The following METTL22 variants were observed in gnomAD, a reference collection of about 807,000 sequenced individuals.
METTL22 encodes methyltransferase 22, Kin17 lysine, also known as methyltransferase-like protein 22.
METTL22 carries 51 observed loss-of-function variants against 48.4 expected under a neutral mutation model. That is an observed-to-expected ratio of 1.05 (90% CI 0.84 to 1.33). The LOEUF is 1.33. Among genes scored for constraint, METTL22 ranks in the 40% most tolerant of loss-of-function variants. The probability of loss-of-function intolerance (pLI) is 0.00; values close to 1 mark genes in which losing one functional copy is unlikely to be tolerated. For synonymous variants in METTL22, 255 were observed against 214.1 expected, an observed-to-expected ratio of 1.19 and a Z score of -1.67; for missense variants, 678 against 526.9, an observed-to-expected ratio of 1.29 and a Z score of -2.81.
At chr16:8,639,539 C>T (rs1240707329) in intron 6 of METTL22, 2 of 252,784 alleles carry the variant, frequency 7.9e-6, no homozygotes, top group South Asian at 1.1e-4. Context: ...CTCCCAGGGG[C>T]GTCATCACCT....
downstream of METTL22, among the ~76,000 whole-genome samples, chr16:8,653,025 C>T (rs186824370): frequency 1.2e-4 from 18 of 152,320 alleles, no homozygotes; most frequent in Admixed American, 5.9e-4. Flanking sequence ...CCAGTTCAAA[C>T]CCACTTCTGC....
At chr16:8,639,461 T>A (rs563317345) in intron 6 of METTL22, 1 of 438,042 alleles carries the variant, frequency 2.3e-6, no homozygotes, top group East Asian at 4.0e-5. Flanking sequence ...GTCCAAGATG[T>A]CCTCATGAAA....
intron 3 of METTL22, among the ~76,000 whole-genome samples, chr16:8,633,991 G>A (rs901104897): frequency 3.9e-5 from 6 of 152,242 alleles, no homozygotes; most frequent in African/African-American, 1.4e-4. Flanking sequence ...GTGTATTTCT[G>A]TTCCAGTTTC....
At chr16:8,655,683 C>T in the METTL22 span, among the ~76,000 whole-genome samples, 2 of 152,222 alleles carry the variant, frequency 1.3e-5, no homozygotes, top group Non-Finnish European at 2.9e-5. Context: ...CATCCTTGCC[C>T]TGAAGAGGCA....
intron 6 of METTL22, among the ~76,000 whole-genome samples, chr16:8,639,884 G>GCCC (rs879830265): frequency 6.6e-6 from 1 of 151,062 alleles, no homozygotes; most frequent in African/African-American, 2.4e-5. Flanking sequence ...TGTCTGCAGC[G>GCCC]CCCCCCACCA....
downstream of METTL22, among the ~76,000 whole-genome samples, chr16:8,653,762 TA>T (rs60644102): frequency 0.98 from 148,844 of 152,246 alleles, 72,861 homozygotes; most frequent in East Asian, 1. Context: ...CTCAGTTAGT[TA>T]AACCTGCTTC....
downstream of METTL22, among the ~76,000 whole-genome samples, chr16:8,649,914 C>G (rs1567253257): frequency 1.3e-5 from 2 of 152,204 alleles, no homozygotes; most frequent in Admixed American, 6.5e-5. Context: ...GATTCTGACT[C>G]AGGCCCTGGA....
the METTL22 span, among the ~76,000 whole-genome samples, chr16:8,657,400 T>G: frequency 6.6e-6 from 1 of 152,350 alleles, no homozygotes; most frequent in South Asian, 2.1e-4. Flanking sequence ...GAAGCAGGAA[T>G]AGCAAATGTC....
chr16:8,642,084 A>G, intron 7 of METTL22, 43 bp from the exon 8 acceptor site: 1 of 1,480,258 alleles, frequency 6.8e-7, no homozygotes, highest in Non-Finnish European at 9.5e-7. Flanking sequence ...GGTGGCCAGG[A>G]GAGAAGGCAA....
chr16:8,626,489 C>A (rs1326055457), intron 2 of METTL22, among the ~76,000 whole-genome samples: 2 of 149,608 alleles, frequency 1.3e-5, no homozygotes, highest in Non-Finnish European at 3.0e-5. Flanking sequence ...CGCTCTGTCA[C>A]CCAGGGGGCA....
intron 3 of METTL22, among the ~76,000 whole-genome samples, chr16:8,632,329 G>T (rs1221213216): frequency 6.6e-6 from 1 of 152,160 alleles, no homozygotes; most frequent in East Asian, 1.9e-4. Context: ...TTCTTGGTCA[G>T]ACTCCCAAAT....
intron 5 of METTL22, among the ~76,000 whole-genome samples, chr16:8,636,597 TCTC>T (rs1298215313): frequency 1.3e-5 from 2 of 151,264 alleles, no homozygotes; most frequent in African/African-American, 2.4e-5. Flanking sequence ...TTGTAACCCT[TCTC>T]CTATTGCTGA....
chr16:8,629,249 G>A, intron 3 of METTL22, 139 bp downstream of exon 3: 2 of 1,140,712 alleles, frequency 1.8e-6, no homozygotes, highest in Non-Finnish European at 2.5e-6. Flanking sequence ...GTGAGACTGG[G>A]GAAGCTCTCC....
chr16:8,622,629 C>T (rs1314637314), intron 1 of METTL22, among the ~76,000 whole-genome samples: 4 of 152,294 alleles, frequency 2.6e-5, no homozygotes, highest in East Asian at 1.9e-4. Context: ...TCACTTTAAT[C>T]ATTATTATAT....
In METTL22 at chr16:8,635,305, T is replaced by TGCCA; in HGVS notation, c.693_694insGCCA (p.Cys232AlafsTer32). 4 of 1,572,726 alleles carry TGCCA rather than the reference T, an allele frequency of 2.5e-6. No individual in the cohort carries two copies. The highest frequency in any genetic ancestry group is 3.4e-6 in the Non-Finnish European group (4 of 1,160,582). ...CAGCCACCATGGCACGGACCGTTTATTGTACAGGTAATGAGGTGACATCTC... is the reference window on the plus strand; with the variant it reads ...CAGCCACCATGGCACGGACCGTTTATGCCATGTACAGGTAATGAGGTGACATCTC... On this transcript the variant is annotated frameshift_variant, in exon 5 of 11. Coordinates refer to ENST00000381920, the MANE Select transcript of METTL22 (RefSeq NM_024109.4). LOFTEE classifies it high-confidence loss of function.
chr16:8,644,792 G>C (rs1329497226), intron 10 of METTL22, 67 bp downstream of exon 10: 3 of 1,438,790 alleles, frequency 2.1e-6, no homozygotes, highest in Non-Finnish European at 1.8e-6. Flanking sequence ...CCAGGGCAAA[G>C]AGGTGATGAA....
chr16:8,642,298 T>C (rs2056645361), intron 8 of METTL22, 91 bp downstream of exon 8: 10 of 1,307,468 alleles, frequency 7.6e-6, no homozygotes, highest in Middle Eastern at 3.6e-4. Flanking sequence ...AGTTCAGTTT[T>C]AGAAGTGACT....
At chr16:8,626,446 C>CTTTTT (rs3057578) in intron 2 of METTL22, among the ~76,000 whole-genome samples, 1 of 129,494 alleles carries the variant, frequency 7.7e-6, no homozygotes, top group Admixed American at 7.8e-5. Flanking sequence ...GTCCTCTGCT[C>CTTTTT]TTTTTTTTTT....
intron 3 of METTL22, among the ~76,000 whole-genome samples, chr16:8,632,938 C>T (rs1181622454): frequency 6.6e-6 from 1 of 152,104 alleles, no homozygotes. Context: ...TCACATAGGA[C>T]CAAGATCACT....
Sources: allele counts gnomAD v4.1 joint callset (sites outside exome capture counted in the v4.1 genomes callset), GRCh38; gene constraint gnomAD v4.1.1; transcripts MANE v1.5; gene names NCBI Gene and HGNC (gene_info 2026-07-23, HGNC 2026-07-21).